The following ALDH7A1 variants were observed in gnomAD, a reference collection of about 807,000 sequenced individuals.
ALDH7A1 encodes alpha-aminoadipic semialdehyde dehydrogenase.
Under a neutral mutation model 79.9 loss-of-function variants are expected in ALDH7A1, and 63 were observed. The observed-to-expected ratio is 0.79, with a 90% CI of 0.64 to 0.97. The LOEUF is 0.97. Among genes scored for constraint, ALDH7A1 ranks in the 50% least tolerant of loss-of-function variants. ALDH7A1 has a pLI of 0.00. For synonymous variants in ALDH7A1, 240 were observed against 231.2 expected (o/e 1.04, Z -0.34); for missense variants, 627 against 665.2 (o/e 0.94, Z 0.63).
intron 3 of ALDH7A1, among the ~76,000 whole-genome samples, chr5:126,591,637 C>T (rs151261498): frequency 2.0e-4 from 30 of 152,214 alleles, no homozygotes; most frequent in African/African-American, 7.0e-4. Flanking sequence ...GAGACAGGCA[C>T]CCCCAGTCTT....
intron 16 of ALDH7A1, among the ~76,000 whole-genome samples, chr5:126,549,143 G>T (rs997182855): frequency 6.7e-6 from 1 of 150,298 alleles, no homozygotes; most frequent in Non-Finnish European, 1.5e-5. Flanking sequence ...TGGAAACAGG[G>T]ATTAAATTAG....
At position 126,595,081 on chromosome 5, in the gene ALDH7A1, C is replaced by T. The variant is rs1457538662; in HGVS notation, c.118G>A (p.Ala40Thr). The change falls in exon 1 of 18, where the codon GCG becomes ACG. Residue 40 changes from alanine to threonine, a missense_variant. Ala to Thr is a moderately conservative substitution (Grantham distance 58). Transcript: ENST00000409134. ...CGGAGCCCCAGCTCTTTCAGCCACG[C>T]ATACTGGGGCTGATTGATGAGGAGA... ...STLLINQPQY[A>T]WLKELGLREE... The T allele has an allele frequency of 6.2e-7, 1 of 1,605,980 alleles. No homozygotes were observed. Among genetic ancestry groups the T allele is most frequent in the Admixed American group, 1.7e-5 (1 of 59,260 alleles).
chr5:126,585,905 T>C (rs533873727), intron 3 of ALDH7A1, among the ~76,000 whole-genome samples: 3 of 152,264 alleles, frequency 2.0e-5, no homozygotes, highest in African/African-American at 7.2e-5. Context: ...TATACATAAG[T>C]ATGCAAAAGT....
rs1204010423 is a variant in ALDH7A1 at position 126,568,271 on chromosome 5, G to A, written c.859C>T (p.Gln287Ter). The A allele has an allele frequency of 1.2e-6, 2 of 1,614,044 alleles. No homozygotes were observed. Among genetic ancestry groups the A allele is most frequent in the Admixed American group, 1.7e-5 (1 of 60,004 alleles). ...AGCCAACACTTACCAAACCTCTCCTGCACCATCAGGCCCACCTGTTTTCCC... is the reference window on the plus strand; with the variant it reads ...AGCCAACACTTACCAAACCTCTCCTACACCATCAGGCCCACCTGTTTTCCC... ...QVGKQVGLMV[Q>*]ERFGRSLLEL... The change falls in exon 9 of 18, where the codon CAG becomes TAG. Residue 287 changes from glutamine (Q) to a stop codon, truncating the protein, a stop_gained. Coordinates refer to ENST00000409134, the MANE Select transcript of ALDH7A1 (RefSeq NM_001182.5). LOFTEE classifies it high-confidence loss of function.
chr5:126,568,677 G>A (rs1561659568), intron 8 of ALDH7A1: 5 of 351,258 alleles, frequency 1.4e-5, no homozygotes, highest in Non-Finnish European at 1.7e-5. Context: ...GAGCATTCCA[G>A]TTTTACAAAC....
At chr5:126,553,605 G>A (rs989114651) in intron 13 of ALDH7A1, among the ~76,000 whole-genome samples, 7 of 152,090 alleles carry the variant, frequency 4.6e-5, no homozygotes, top group African/African-American at 9.7e-5. Flanking sequence ...CCAGCTACTC[G>A]GGAGGCTGAG....
Position 126,549,935 on chromosome 5 carries a change from C to T in ALDH7A1, c.1483G>A (p.Ala495Thr), listed in dbSNP as rs1749930972. 6.2e-7 allele frequency: 1 copy of T among 1,614,118 alleles called. No individual in the cohort carries two copies. The highest frequency in any genetic ancestry group is 8.5e-7 in the Non-Finnish European group (1 of 1,179,956). The change falls in exon 16 of 18, where the codon GCC (alanine) becomes ACC (threonine). Residue 495 changes from alanine (A) to threonine (T), a missense_variant. Transcript: ENST00000409134. ...IPTSGAEIGG[A>T]FGGEKHTGGG... ...GAAATGATTCTCTACGTACCAAAGG[C>T]ACCTCCAATCTCAGCCCCACTTGTT...
Position 126,543,877 on chromosome 5 carries a change from T to G in ALDH7A1, c.*1088A>C, listed in dbSNP as rs1209215646. The G allele has an allele frequency of 6.6e-6, 1 of 151,424 alleles. No homozygotes were observed. The highest frequency in any genetic ancestry group is 1.5e-5 in the Non-Finnish European group (1 of 67,978). The allele number at this position is 151,424 out of a possible 1,614,324, so 9.4% of individuals were successfully genotyped here. A position where few individuals can be genotyped will look rare whatever the true frequency, so the allele number is the denominator to read the frequency against. On this transcript the variant is annotated 3_prime_UTR_variant, in exon 18 of 18. Coordinates refer to ENST00000409134, the MANE Select transcript of ALDH7A1 (RefSeq NM_001182.5). The stretch of plus-strand genomic sequence containing the variant: ...TATGACCACATGCTGCCACACACAC[T>G]GAGGATTGAGAACAGATCCAAGGGC...
rs1750859713 is a variant in ALDH7A1 at position 126,573,680 on chromosome 5, G to A, written c.695+1740C>T. ...ACCACTGCACTCTAGCCTGGTGACA[G>A]AGCAAGACTCAGTCTCAAAAAAAAA... On this transcript the variant is annotated intron_variant, in intron 7 of 17. Transcript: ENST00000409134. Among the ~76,000 whole-genome samples the A allele has an allele frequency of 2.7e-5, 4 of 146,398 alleles. No individual in the cohort carries two copies. In the South Asian group the frequency reaches 8.7e-4, roughly 32 times the overall value.
rs567441242 is a variant in ALDH7A1 at position 126,584,022 on chromosome 5, G to T, written c.313-10C>A. On this transcript the variant is annotated splice_polypyrimidine_tract_variant and intron_variant, in intron 3 of 17. Transcript: ENST00000409134. ...GTTTTGGAGCAGGAATCTAAGAAAA[G>T]AATGCAATTTTTGTGTCTGATTCAA... 8 of 1,612,202 alleles carry T rather than the reference G, an allele frequency of 5.0e-6. No individual in the cohort carries two copies. In the African/African-American group the frequency reaches 9.3e-5, roughly 19 times the overall value.
chr5:126,547,830 T>C (rs1749843548), intron 16 of ALDH7A1, among the ~76,000 whole-genome samples: 1 of 152,028 alleles, frequency 6.6e-6, no homozygotes, highest in African/African-American at 2.4e-5. Flanking sequence ...GGCAGGTGGA[T>C]CACAAGGTCA....
intron 6 of ALDH7A1, among the ~76,000 whole-genome samples, chr5:126,576,383 C>G (rs1750970847): frequency 6.6e-6 from 1 of 151,706 alleles, no homozygotes; most frequent in Admixed American, 6.6e-5. Context: ...TGAATACATT[C>G]AACTGAGTAC....
At chr5:126,565,394 C>CAAAAAAA (rs1162552475) in intron 9 of ALDH7A1, among the ~76,000 whole-genome samples, 1 of 63,330 alleles carries the variant, frequency 1.6e-5, no homozygotes, top group African/African-American at 6.7e-5. Context: ...GATTCCATCT[C>CAAAAAAA]AAAAAAAAAA....
At chr5:126,565,638 T>C (rs2112778225) in intron 9 of ALDH7A1, among the ~76,000 whole-genome samples, 1 of 152,312 alleles carries the variant, frequency 6.6e-6, no homozygotes, top group South Asian at 2.1e-4. Context: ...CTTTTAATTG[T>C]TGTTGCTTGT....
chr5:126,568,562 C>T, intron 8 of ALDH7A1: 1 of 575,080 alleles, frequency 1.7e-6, no homozygotes. Context: ...GGCTAACCTG[C>T]TGTGAGCATT....
intron 3 of ALDH7A1, among the ~76,000 whole-genome samples, chr5:126,591,720 G>A (rs905580473): frequency 1.3e-5 from 2 of 152,030 alleles, no homozygotes; most frequent in Non-Finnish European, 2.9e-5. Flanking sequence ...ATCCTAGTTC[G>A]CCTTTACTCT....
At chr5:126,567,775 AT>A (rs753743965) in intron 9 of ALDH7A1, 143 of 131,392 alleles carry the variant, frequency 1.1e-3, no homozygotes, top group East Asian at 3.5e-3. Context: ...CCTGGCTTGA[AT>A]TTTTTTTTTT....
chr5:126,559,426 TGGTTTTG>T, intron 10 of ALDH7A1, 92 bp from the exon 11 acceptor site: 11 of 861,672 alleles, frequency 1.3e-5, no homozygotes, highest in Non-Finnish European at 1.7e-5. Flanking sequence ...TTTTTGTTTT[TGGTTTTG>T]GTTTTTTTTT....
rs1466118757 is a variant in ALDH7A1 at position 126,583,843 on chromosome 5, A to C, written c.393+89T>G. ...TGACAGCAAGACTCCATCTCAAAAA[A>C]AAAAAACCTCACAATTTTATATATA... On this transcript the variant is annotated intron_variant, in intron 4 of 17. Coordinates refer to ENST00000409134, the MANE Select transcript of ALDH7A1 (RefSeq NM_001182.5). The C allele has an allele frequency of 2.5e-6, 3 of 1,207,288 alleles. No individual in the cohort carries two copies. The East Asian group carries it at 7.2e-5, about 29-fold the overall frequency. 74.8% of individuals were successfully genotyped at this position (1,207,288 alleles called of 1,614,324 possible).
Sources: gnomAD v4.1 joint callset for allele counts (sites outside exome capture counted in the v4.1 genomes callset) on GRCh38, gnomAD v4.1.1 for gene constraint, MANE v1.5 for transcripts, NCBI Gene and HGNC (gene_info 2026-07-23, HGNC 2026-07-21) for gene names.